The following UNC79 variants were observed in gnomAD, a reference collection of about 807,000 sequenced individuals.
UNC79 encodes protein unc-79 homolog.
In UNC79, 37 loss-of-function variants were observed where a neutral mutation model predicts 283.1. The ratio of observed to expected loss-of-function variants is 0.13; its 90% CI spans 0.10 to 0.17. The LOEUF (loss-of-function observed/expected upper bound fraction) is 0.17. Among genes scored for constraint, UNC79 ranks in the 10% least tolerant of loss-of-function variants. UNC79 has a pLI of 1.00. For missense variants in UNC79, 2,272 were observed against 3,211.1 expected (o/e 0.71, Z 7.07); for synonymous variants, 1,107 against 1,200.2 (o/e 0.92, Z 1.61).
chr14:93,666,646 A>G (rs528097757), intron 40 of UNC79, among the ~76,000 whole-genome samples: 4 of 152,306 alleles, frequency 2.6e-5, no homozygotes, highest in African/African-American at 9.6e-5. Context: ...ATAAATTGAT[A>G]AATTCACAGT....
intron 7 of UNC79, among the ~76,000 whole-genome samples, chr14:93,499,509 G>A (rs1466518321): frequency 6.6e-6 from 1 of 152,116 alleles, no homozygotes; most frequent in Non-Finnish European, 1.5e-5. Flanking sequence ...AGGTCTCAGG[G>A]AACTTACTAC....
intron 1 of UNC79, among the ~76,000 whole-genome samples, chr14:93,400,182 G>A (rs143148854): frequency 0.015 from 2,279 of 152,214 alleles, 75 homozygotes; most frequent in African/African-American, 0.053. Context: ...CTCCTTTAGC[G>A]GGGGCTGTTT....
At position 93,654,143 on chromosome 14, in the gene UNC79, TATTTA is replaced by T. The variant is rs1002886544; in HGVS notation, c.6282+125_6282+129del. On this transcript the variant is annotated intron_variant, in intron 37 of 48. Coordinates refer to ENST00000555664, the Ensembl canonical transcript of UNC79. ...TACTGCTGAGGAAGGATTGCAATGT[TATTTA>T]ATTTAAAAATGAAATCTAAAATTTT... The T allele has an allele frequency of 7.8e-6, 5 of 640,750 alleles. 1 individual carries two copies. In the African/African-American group the frequency reaches 9.5e-5, roughly 12 times the overall value. 39.7% of individuals were successfully genotyped at this position (640,750 alleles called of 1,614,324 possible). A position where few individuals can be genotyped will look rare whatever the true frequency, so the allele number is the denominator to read the frequency against.
At chr14:93,693,445 G>T (rs2074854690) in intron 46 of UNC79, among the ~76,000 whole-genome samples, 1 of 152,244 alleles carries the variant, frequency 6.6e-6, no homozygotes, top group East Asian at 1.9e-4. Context: ...TGTTGCACAT[G>T]AATTTTATGC....
At chr14:93,523,150 G>A (rs1045626799) in intron 7 of UNC79, among the ~76,000 whole-genome samples, 14 of 152,250 alleles carry the variant, frequency 9.2e-5, no homozygotes, top group Admixed American at 9.2e-4. Flanking sequence ...AATATTGTTA[G>A]CCAAGTGCTT....
intron 1 of UNC79, among the ~76,000 whole-genome samples, chr14:93,378,753 G>T (rs2054609838): frequency 6.6e-6 from 1 of 152,206 alleles, no homozygotes; most frequent in Non-Finnish European, 1.5e-5. Flanking sequence ...TTTGGAGCAT[G>T]TTGGATTTTG....
At chr14:93,566,634 C>T (rs2062900057) in intron 14 of UNC79, among the ~76,000 whole-genome samples, 3 of 131,258 alleles carry the variant, frequency 2.3e-5, no homozygotes, top group South Asian at 2.5e-4. Flanking sequence ...AGGCCAGTTT[C>T]TGGAATTTTT....
intron 1 of UNC79, among the ~76,000 whole-genome samples, chr14:93,355,719 C>T (rs770954315): frequency 2.0e-5 from 3 of 152,254 alleles, no homozygotes; most frequent in Non-Finnish European, 2.9e-5. Flanking sequence ...CTTAACAACT[C>T]TTAACTGTCT....
At chr14:93,339,707 A>C (rs2053663075) in intron 1 of UNC79, among the ~76,000 whole-genome samples, 2 of 152,226 alleles carry the variant, frequency 1.3e-5, no homozygotes, top group African/African-American at 4.8e-5. Context: ...AAAGATGTTG[A>C]TGACTGTCTG....
Position 93,536,782 on chromosome 14 carries a change from CTTTT to C in UNC79, c.1123-1190_1123-1187del, listed in dbSNP as rs35677025. On this transcript the variant is annotated intron_variant, in intron 11 of 48. Transcript: ENST00000555664. Reference sequence around the variant, plus strand: ...GAAGGCACCCCCCACCCACCCCCGGCTTTTTTTTTTTTTTTTTTTTGTCTATCTA... The same window carrying C: ...GAAGGCACCCCCCACCCACCCCCGGCTTTTTTTTTTTTTTTTGTCTATCTA... Among the ~76,000 whole-genome samples, 15 of 82,438 alleles carry C rather than the reference CTTTT, an allele frequency of 1.8e-4. No individual in the cohort carries two copies. The East Asian group carries it at 2.7e-3, about 15-fold the overall frequency. 54.1% of individuals were successfully genotyped at this position (82,438 alleles called of 152,430 possible). A position where few individuals can be genotyped will look rare whatever the true frequency, so the allele number is the denominator to read the frequency against.
downstream of UNC79, chr14:93,706,979 G>A: frequency 6.5e-7 from 1 of 1,545,222 alleles, no homozygotes; most frequent in South Asian, 1.2e-5. Flanking sequence ...TTTGATCCAA[G>A]CAGGTTGGGG....
At chr14:93,408,363 G>A (rs1189570154) in intron 1 of UNC79, among the ~76,000 whole-genome samples, 1 of 152,204 alleles carries the variant, frequency 6.6e-6, no homozygotes, top group African/African-American at 2.4e-5. Context: ...TGATGAAAGA[G>A]TGAAGCCTAA....
At chr14:93,542,109 A>G (rs2141200539) in intron 13 of UNC79, among the ~76,000 whole-genome samples, 1 of 152,066 alleles carries the variant, frequency 6.6e-6, no homozygotes, top group Admixed American at 6.5e-5. Context: ...AAATATGATC[A>G]TTTTAGAACT....
At chr14:93,595,578 C>T (rs987346830) in intron 23 of UNC79, among the ~76,000 whole-genome samples, 8 of 152,138 alleles carry the variant, frequency 5.3e-5, no homozygotes, top group Admixed American at 2.6e-4. Context: ...CCTTCATCCA[C>T]GCGGGGGCCA....
intron 46 of UNC79, among the ~76,000 whole-genome samples, chr14:93,693,445 G>A (rs2074854690): frequency 6.6e-6 from 1 of 152,126 alleles, no homozygotes; most frequent in South Asian, 2.1e-4. Context: ...TGTTGCACAT[G>A]AATTTTATGC....
intron 22 of UNC79, among the ~76,000 whole-genome samples, chr14:93,593,363 A>G (rs1174313572): frequency 6.6e-6 from 1 of 152,230 alleles, no homozygotes; most frequent in African/African-American, 2.4e-5. Context: ...GTATTACTCC[A>G]TCATCCTAAC....
chr14:93,501,707 T>C (rs1486702351), intron 7 of UNC79, among the ~76,000 whole-genome samples: 1 of 151,862 alleles, frequency 6.6e-6, no homozygotes, highest in Non-Finnish European at 1.5e-5. Context: ...AGAAAAATTA[T>C]AGCAATATGT....
intron 1 of UNC79, among the ~76,000 whole-genome samples, chr14:93,424,511 G>A (rs1444779967): frequency 2.0e-5 from 3 of 152,146 alleles, no homozygotes; most frequent in African/African-American, 7.2e-5. Context: ...ATATACACAA[G>A]AGAGTACTAT....
At chr14:93,367,927 A>G (rs924496052) in intron 1 of UNC79, among the ~76,000 whole-genome samples, 1 of 152,258 alleles carries the variant, frequency 6.6e-6, no homozygotes, top group African/African-American at 2.4e-5. Context: ...ATTGATTACA[A>G]TGACCTGATC....
Sources: gnomAD v4.1 joint callset for allele counts (sites outside exome capture counted in the v4.1 genomes callset) on GRCh38, gnomAD v4.1.1 for gene constraint, MANE v1.5 for transcripts, NCBI Gene and HGNC (gene_info 2026-07-23, HGNC 2026-07-21) for gene names.